Variants in CSNK1G1 observed in about 807,000 individuals in gnomAD.
The protein encoded by CSNK1G1 is casein kinase 1 gamma 1.
A neutral mutation model predicts 59.6 loss-of-function variants in CSNK1G1; 22 were observed. That is an observed-to-expected ratio of 0.37 (90% CI 0.26 to 0.53). The LOEUF (loss-of-function observed/expected upper bound fraction) is 0.53. Among genes scored for constraint, CSNK1G1 ranks in the 20% least tolerant of loss-of-function variants. CSNK1G1 has a pLI of 0.89. For synonymous variants in CSNK1G1, 179 were observed against 177.1 expected (o/e 1.01, Z -0.08); for missense variants, 384 against 519.5 (o/e 0.74, Z 2.54).
intron 11 of CSNK1G1, among the ~76,000 whole-genome samples, chr15:64,178,690 C>G (rs146978531): frequency 1.7e-3 from 256 of 152,002 alleles, no homozygotes; most frequent in Admixed American, 4.1e-3. Context: ...CCATGTTGGC[C>G]AGGATGGTCT....
intron 1 of CSNK1G1, among the ~76,000 whole-genome samples, chr15:64,314,571 A>T (rs1372925909): frequency 7.3e-5 from 11 of 151,720 alleles, no homozygotes; most frequent in Admixed American, 2.0e-4. Flanking sequence ...GAATTAAAAA[A>T]AAAAAAAAAA....
intron 2 of CSNK1G1, 101 bp from the exon 3 acceptor site, chr15:64,259,342 A>G (rs954607302): frequency 4.1e-6 from 3 of 735,076 alleles, no homozygotes; most frequent in Admixed American, 3.1e-5. Context: ...TATATTCCCA[A>G]TGCTGTTCAC....
intron 2 of CSNK1G1, among the ~76,000 whole-genome samples, chr15:64,295,112 T>C (rs1275835328): frequency 6.6e-6 from 1 of 152,048 alleles, no homozygotes; most frequent in Non-Finnish European, 1.5e-5. Context: ...ACTTTCTAAG[T>C]CTCAGATATG....
intron 2 of CSNK1G1, among the ~76,000 whole-genome samples, chr15:64,284,308 GA>G (rs1370873295): frequency 1.3e-5 from 2 of 152,058 alleles, no homozygotes; most frequent in Non-Finnish European, 2.9e-5. Context: ...TGGGTTTCTT[GA>G]AATTCCGTAT....
chr15:64,274,215 T>C (rs974383965), intron 2 of CSNK1G1, among the ~76,000 whole-genome samples: 1 of 152,214 alleles, frequency 6.6e-6, no homozygotes, highest in African/African-American at 2.4e-5. Flanking sequence ...CTCAAATGAA[T>C]TTCTTTGCAA....
chr15:64,244,621 A>C (rs999781576), intron 4 of CSNK1G1, among the ~76,000 whole-genome samples: 1 of 152,030 alleles, frequency 6.6e-6, no homozygotes, highest in African/African-American at 2.4e-5. Context: ...AATGGCTCAC[A>C]CCTGTAATCC....
At chr15:64,354,357 T>C (rs112265635) in intron 1 of CSNK1G1, among the ~76,000 whole-genome samples, 8 of 152,298 alleles carry the variant, frequency 5.3e-5, no homozygotes, top group African/African-American at 1.9e-4. Flanking sequence ...TACACCCCAA[T>C]TTTAATTCTC....
intron 2 of CSNK1G1, among the ~76,000 whole-genome samples, chr15:64,287,945 C>CT (rs199551927): frequency 0.044 from 6,712 of 152,110 alleles, 190 homozygotes; most frequent in South Asian, 0.085. Flanking sequence ...GGTGAGGAAA[C>CT]AGTAGACTAG....
rs1406264467 is a variant in CSNK1G1 at position 64,165,658 on chromosome 15, C to T, written c.*6273G>A. On this transcript the variant is annotated 3_prime_UTR_variant, in exon 12 of 12. Coordinates refer to ENST00000303052, the MANE Select transcript of CSNK1G1 (RefSeq NM_022048.5). ...TGAATCGCATCAAAGTTAGTCCTAG[C>T]TAGATTGTTAATTACAAATGAGCCG... 5.5e-6 allele frequency: 1 copy of T among 180,522 alleles called. No homozygotes were observed. The highest frequency in any genetic ancestry group is 1.1e-5 in the Non-Finnish European group (1 of 87,296). 11.2% of individuals were successfully genotyped at this position (180,522 alleles called of 1,614,324 possible).
chr15:64,223,460 A>G (rs2082417587), intron 4 of CSNK1G1, among the ~76,000 whole-genome samples: 1 of 152,152 alleles, frequency 6.6e-6, no homozygotes, highest in Non-Finnish European at 1.5e-5. Flanking sequence ...GGCAAGGAAG[A>G]TATGTGCTGG....
chr15:64,258,371 A>T (rs1189718167), intron 3 of CSNK1G1, among the ~76,000 whole-genome samples: 2 of 148,936 alleles, frequency 1.3e-5, no homozygotes, highest in East Asian at 3.9e-4. Context: ...CAACACTGTG[A>T]GACCCTGTCT....
chr15:64,179,778 G>A (rs984778486), intron 11 of CSNK1G1, among the ~76,000 whole-genome samples: 4 of 152,142 alleles, frequency 2.6e-5, no homozygotes, highest in Admixed American at 6.5e-5. Context: ...AGCAGAAAAG[G>A]GTGTGGGGCA....
At chr15:64,354,847 T>G (rs1898553311) in intron 1 of CSNK1G1, among the ~76,000 whole-genome samples, 1 of 152,220 alleles carries the variant, frequency 6.6e-6, no homozygotes, top group Non-Finnish European at 1.5e-5. Context: ...GCAACTGGCA[T>G]AGTCTAGGTT....
chr15:64,282,811 CT>C (rs1372999142), intron 2 of CSNK1G1, among the ~76,000 whole-genome samples: 11 of 152,168 alleles, frequency 7.2e-5, no homozygotes, highest in Admixed American at 2.6e-4. Context: ...CACTTCCCCC[CT>C]AGCCAACAAT....
At chr15:64,251,719 A>G in intron 3 of CSNK1G1, 138 bp from the exon 4 acceptor site, 1 of 619,132 alleles carries the variant, frequency 1.6e-6, no homozygotes, top group East Asian at 2.8e-5. Context: ...TTTTCTAACC[A>G]CAATTGGTCT....
chr15:64,191,781 T>C (rs2081975587), intron 10 of CSNK1G1, among the ~76,000 whole-genome samples: 1 of 152,232 alleles, frequency 6.6e-6, no homozygotes, highest in Non-Finnish European at 1.5e-5. Flanking sequence ...TGCCCGCCAA[T>C]GCCTTCTGTA....
Position 64,188,633 on chromosome 15 carries a change from G to A in CSNK1G1, c.1108-8179C>T. On this transcript the variant is annotated intron_variant, in intron 10 of 11. Coordinates refer to ENST00000303052, the MANE Select transcript of CSNK1G1 (RefSeq NM_022048.5). The surrounding 1 kb of genome is among the most constrained non-coding windows in gnomAD (Gnocchi z 4.2). ...ACTAACAACCACTGGAAAGCAGTGA[G>A]GAAAAGTAAGCTTGTCTACATTCAT... The A allele has an allele frequency of 3.1e-6, 2 of 636,646 alleles. No individual in the cohort carries two copies. Among genetic ancestry groups the A allele is most frequent in the Non-Finnish European group, 2.7e-6 (1 of 363,966 alleles). The allele number at this position is 636,646 out of a possible 1,614,324, so 39.4% of individuals were successfully genotyped here.
chr15:64,205,927 T>C (rs2082172467), intron 7 of CSNK1G1, among the ~76,000 whole-genome samples: 1 of 152,220 alleles, frequency 6.6e-6, no homozygotes. Flanking sequence ...CCATCCTGCC[T>C]TTCTGGAAGA....
At chr15:64,215,338 G>C (rs1257971602) in intron 5 of CSNK1G1, among the ~76,000 whole-genome samples, 1 of 150,426 alleles carries the variant, frequency 6.6e-6, no homozygotes, top group Admixed American at 6.7e-5. Context: ...TCAGCCTCCT[G>C]AGTAGCTGGG....
Sources: gnomAD v4.1 joint callset for allele counts (sites outside exome capture counted in the v4.1 genomes callset) on GRCh38, gnomAD v4.1.1 for gene constraint, Gnocchi (gnomAD v3.1) non-coding constraint, MANE v1.5 for transcripts, NCBI Gene and HGNC (gene_info 2026-07-23, HGNC 2026-07-21) for gene names.